Variants in PARP16 observed in about 807,000 individuals in gnomAD.
PARP16 encodes the protein protein mono-ADP-ribosyltransferase PARP16.
Under a neutral mutation model 35.0 loss-of-function variants are expected in PARP16, and 31 were observed. That is an observed-to-expected ratio of 0.88 (90% CI 0.66 to 1.19). The LOEUF is 1.19. PARP16 is among the 50% of genes most tolerant of loss of function. The pLI, the probability that PARP16 is intolerant of heterozygous loss-of-function variation, is 0.00. For missense variants in PARP16, 424 were observed against 411.2 expected (o/e 1.03, Z -0.27); for synonymous variants, 162 against 169.5 (o/e 0.96, Z 0.34).
chr15:65,261,431 G>A (rs1358279917), intron 4 of PARP16, among the ~76,000 whole-genome samples: 1 of 147,714 alleles, frequency 6.8e-6, no homozygotes, highest in Non-Finnish European at 1.5e-5. Flanking sequence ...GTTAAGAGGC[G>A]TTTTATATAT....
intron 3 of PARP16, among the ~76,000 whole-genome samples, chr15:65,265,207 T>G (rs375647629): frequency 6.6e-6 from 1 of 152,204 alleles, no homozygotes; most frequent in South Asian, 2.1e-4. Context: ...CTGCCATGAC[T>G]GGGGGAAAGG....
chr15:65,286,232 G>T (rs1486804355), intron 1 of PARP16, 21 bp downstream of exon 1: 14 of 1,535,118 alleles, frequency 9.1e-6, no homozygotes, highest in Non-Finnish European at 1.1e-5. Flanking sequence ...AGTGGGCAGC[G>T]CCAGGACAAA....
chr15:65,267,434 C>T (rs1346106677), intron 2 of PARP16, among the ~76,000 whole-genome samples: 6 of 150,712 alleles, frequency 4.0e-5, no homozygotes, highest in African/African-American at 1.2e-4. Flanking sequence ...GGTGAAACCC[C>T]GTCTCTACTA....
At chr15:65,236,747 C>T (rs910359177) in intron 3 of PARP16, among the ~76,000 whole-genome samples, 3 of 152,056 alleles carry the variant, frequency 2.0e-5, no homozygotes, top group African/African-American at 4.8e-5. Flanking sequence ...CCGAGGTGGG[C>T]GGATCACGAG....
At chr15:65,234,936 G>C (rs1160408522) in intron 3 of PARP16, 1 of 150,996 alleles carries the variant, frequency 6.6e-6, no homozygotes, top group Non-Finnish European at 1.5e-5. Context: ...GGATCATGAG[G>C]TCAGGAGATC....
chr15:65,238,541 G>A (rs182661518), intron 3 of PARP16, among the ~76,000 whole-genome samples: 28 of 152,178 alleles, frequency 1.8e-4, no homozygotes, highest in Middle Eastern at 3.4e-3. Flanking sequence ...TGTTGTTTAG[G>A]TCTTATAATC....
Position 65,273,294 on chromosome 15 carries a change from AG to A in PARP16, c.175-2223del, listed in dbSNP as rs68194288. Among the ~76,000 whole-genome samples the A allele has an allele frequency of 1.9e-4, 28 of 149,598 alleles. 3 individuals carry two copies. The highest frequency in any genetic ancestry group is 3.4e-3 in the Middle Eastern group (1 of 294). ...TCTGTCTCAAAAAAAAAAAAAAAAA[AG>A]AATACCTGTGGTTCTTTTCCATTTT... On this transcript the variant is annotated intron_variant, in intron 1 of 5. Coordinates refer to ENST00000649807, the MANE Select transcript of PARP16 (RefSeq NM_001316943.2).
chr15:65,263,441 GC>G, intron 3 of PARP16, 121 bp from the exon 4 acceptor site: 1 of 706,916 alleles, frequency 1.4e-6, no homozygotes, highest in Non-Finnish European at 2.3e-6. Flanking sequence ...CCCGCTTTTT[GC>G]CCCAGCAAGA....
intron 3 of PARP16, among the ~76,000 whole-genome samples, chr15:65,235,281 TG>T (rs1430580725): frequency 6.6e-6 from 1 of 151,856 alleles, no homozygotes; most frequent in East Asian, 1.9e-4. Context: ...CACTTCAGCC[TG>T]GGCGACAGAA....
chr15:65,250,267 G>A (rs11637085), intron 2 of PARP16, among the ~76,000 whole-genome samples: 38,668 of 151,444 alleles, frequency 0.26, 5,419 homozygotes, highest in African/African-American at 0.35. Context: ...ACAGGCGCGC[G>A]CCACCATGCC....
intron 3 of PARP16, among the ~76,000 whole-genome samples, chr15:65,245,322 C>T (rs1288058325): frequency 6.6e-6 from 1 of 152,200 alleles, no homozygotes; most frequent in Non-Finnish European, 1.5e-5. Flanking sequence ...AGGAGACAGG[C>T]GGTAGGACAC....
chr15:65,248,384 T>C (rs1401612496), intron 2 of PARP16, among the ~76,000 whole-genome samples: 1 of 152,250 alleles, frequency 6.6e-6, no homozygotes, highest in Admixed American at 6.5e-5. Flanking sequence ...AATAACCTCA[T>C]GAGTACCCCC....
chr15:65,250,306 C>T (rs905890818), intron 2 of PARP16, among the ~76,000 whole-genome samples: 11 of 151,602 alleles, frequency 7.3e-5, no homozygotes, highest in Non-Finnish European at 1.3e-4. Context: ...TTAGTACAGA[C>T]GGGGTTTCAC....
chr15:65,262,652 G>A (rs2089773125), intron 4 of PARP16, among the ~76,000 whole-genome samples: 1 of 152,194 alleles, frequency 6.6e-6, no homozygotes, highest in South Asian at 2.1e-4. Flanking sequence ...ACACGCCAGT[G>A]TAGATCGGAG....
At chr15:65,278,485 G>C (rs2090323574) in intron 1 of PARP16, among the ~76,000 whole-genome samples, 1 of 152,222 alleles carries the variant, frequency 6.6e-6, no homozygotes, top group African/African-American at 2.4e-5. Context: ...AGAGCTGAGA[G>C]CCTCAGGGGT....
Position 65,245,628 on chromosome 15 carries a change from C to G in PARP16, c.*97+2489G>C, listed in dbSNP as rs531992289. ...TAACTAGGCCACAGCACCCAGGCCG[C>G]CAGCAATCACCGAGCTTCCATCCTG... On this transcript the variant is annotated intron_variant and NMD_transcript_variant, in intron 3 of 3. Transcript: ENST00000559805. Among the ~76,000 whole-genome samples the G allele has an allele frequency of 2.0e-5, 3 of 152,212 alleles. No homozygotes were observed. The East Asian group carries it at 5.8e-4, about 29-fold the overall frequency.
downstream of PARP16, among the ~76,000 whole-genome samples, chr15:65,255,743 G>GGAAAAAAAAAAAAA (rs1567016381): frequency 1.7e-5 from 1 of 57,160 alleles, no homozygotes; most frequent in African/African-American, 8.5e-5. Flanking sequence ...AGAAAACTCA[G>GGAAAAAAAAAAAAA]AAAAAAAAAA....
intron 1 of PARP16, among the ~76,000 whole-genome samples, chr15:65,272,277 G>C (rs1483237737): frequency 6.6e-6 from 1 of 152,196 alleles, no homozygotes; most frequent in African/African-American, 2.4e-5. Flanking sequence ...CCTGTGATAG[G>C]ACTCAGCCTA....
chr15:65,276,530 T>C (rs1398669098), intron 1 of PARP16, among the ~76,000 whole-genome samples: 1 of 152,040 alleles, frequency 6.6e-6, no homozygotes, highest in African/African-American at 2.4e-5. Context: ...TGTGACATCA[T>C]GCCCAGCTAA....
Sources: gnomAD v4.1 joint callset for allele counts (sites outside exome capture counted in the v4.1 genomes callset) on GRCh38, gnomAD v4.1.1 for gene constraint, MANE v1.5 for transcripts, NCBI Gene and HGNC (gene_info 2026-07-23, HGNC 2026-07-21) for gene names.